TAF4: variants seen among roughly 807,000 people sequenced by gnomAD.
TAF4 encodes the protein TATA-box binding protein associated factor 4, also known as transcription initiation factor TFIID subunit 4.
A neutral mutation model predicts 90.3 loss-of-function variants in TAF4; 9 were observed. That is an observed-to-expected ratio of 0.10 (90% CI 0.06 to 0.17). TAF4 has a LOEUF of 0.17. TAF4 is among the 10% of genes least tolerant of loss of function. The pLI is 1.00. For missense variants in TAF4, 1,351 were observed against 1,370.7 expected (o/e 0.99, Z 0.23); for synonymous variants, 818 against 638.9 (o/e 1.28, Z -4.23).
chr20:62,041,583 T>G (rs2055964008), intron 1 of TAF4, among the ~76,000 whole-genome samples: 1 of 151,520 alleles, frequency 6.6e-6, no homozygotes, highest in Non-Finnish European at 1.5e-5. Flanking sequence ...GAGCCGAAAT[T>G]GCGCCACTGC....
At chr20:61,999,634 G>C (rs28382107) in intron 11 of TAF4, among the ~76,000 whole-genome samples, 195 of 152,310 alleles carry the variant, frequency 1.3e-3, no homozygotes, top group African/African-American at 4.5e-3. Context: ...GGCCCAGAGA[G>C]AGAGGCAGGT....
intron 14 of TAF4, among the ~76,000 whole-genome samples, chr20:61,987,503 A>G (rs1005981006): frequency 6.6e-6 from 1 of 152,230 alleles, no homozygotes; most frequent in East Asian, 1.9e-4. Flanking sequence ...CTCCGTCACC[A>G]GGGAGATGCA....
At chr20:61,977,266 G>A (rs1339726616) in intron 14 of TAF4, among the ~76,000 whole-genome samples, 1 of 152,116 alleles carries the variant, frequency 6.6e-6, no homozygotes, top group Non-Finnish European at 1.5e-5. Context: ...ACACCGCCCA[G>A]CGGGGCACGT....
Position 62,006,959 on chromosome 20 carries a change from A to C in TAF4, c.1975-201T>G. Reference sequence around the variant, plus strand: ...ACTAAGTGGGATTATTCCTGATAGCAAATGTCCAAAATGTGTTCAAGAAAA... The same window carrying C: ...ACTAAGTGGGATTATTCCTGATAGCCAATGTCCAAAATGTGTTCAAGAAAA... On this transcript the variant is annotated intron_variant, in intron 6 of 14. Transcript: ENST00000252996. The surrounding 1 kb of genome is among the most constrained non-coding windows in gnomAD (Gnocchi z 7.0). 2 of 562,486 alleles carry C rather than the reference A, an allele frequency of 3.6e-6. No individual in the cohort carries two copies. Among genetic ancestry groups the C allele is most frequent in the Non-Finnish European group, 5.4e-6 (2 of 372,836 alleles). 34.8% of individuals were successfully genotyped at this position (562,486 alleles called of 1,614,324 possible).
intron 12 of TAF4, 147 bp from the exon 13 acceptor site, chr20:61,998,339 A>G: frequency 1.3e-6 from 1 of 798,468 alleles, no homozygotes; most frequent in South Asian, 2.0e-5. Flanking sequence ...ATAGCCAAAG[A>G]TGAAAATTTA....
In TAF4 at chr20:62,007,601, C is replaced by G; in HGVS notation, c.1920G>C (p.Arg640Ser). 1 of 1,604,160 alleles carries G rather than the reference C, an allele frequency of 6.2e-7. No homozygotes were observed. The highest frequency in any genetic ancestry group is 8.5e-7 in the Non-Finnish European group (1 of 1,176,826). The change falls in exon 6 of 15, where the codon AGG becomes AGC. Residue 640 changes from arginine to serine, a missense_variant. Arg to Ser is a moderately radical substitution (Grantham distance 110). Transcript: ENST00000252996. ...GTGAAGAATTAAGTTCTCGGTATAA[C>G]CTGCTTGTGAAATCTTCTGCTTCTA... ...GKIEAEDFTSRLYRELNSSPQ... is the reference protein window; with the variant it reads ...GKIEAEDFTSSLYRELNSSPQ...
At chr20:61,987,807 T>G (rs1210352609) in intron 14 of TAF4, among the ~76,000 whole-genome samples, 1 of 152,212 alleles carries the variant, frequency 6.6e-6, no homozygotes, top group East Asian at 1.9e-4. Context: ...TTGCCAAAAC[T>G]TGCAAGCAGC....
At chr20:62,061,619 G>A (rs1226689530) in intron 1 of TAF4, among the ~76,000 whole-genome samples, 1 of 152,198 alleles carries the variant, frequency 6.6e-6, no homozygotes, top group African/African-American at 2.4e-5. Flanking sequence ...ATGCTAATGT[G>A]GGTGTCAAAT....
Position 62,016,543 on chromosome 20 carries a change from G to C in TAF4, c.1361-1836C>G, listed in dbSNP as rs567161261. ...AAGTTCTTCAGCTTTTAGACTCCTG[G>C]CCTTACACCAGTGGTTTGCCAGGGG... On this transcript the variant is annotated intron_variant, in intron 1 of 14. Coordinates refer to ENST00000252996, the MANE Select transcript of TAF4 (RefSeq NM_003185.4). Among the ~76,000 whole-genome samples the C allele has an allele frequency of 3.2e-4, 49 of 152,304 alleles. 1 individual carries two copies. The South Asian group carries it at 8.1e-3, about 25-fold the overall frequency.
chr20:62,060,188 A>G (rs544290845), intron 1 of TAF4, among the ~76,000 whole-genome samples: 2 of 152,306 alleles, frequency 1.3e-5, no homozygotes, highest in Admixed American at 1.3e-4. Flanking sequence ...GCCCTGGGAG[A>G]AGGCCAACTT....
chr20:62,011,422 G>A (rs1853006072), intron 3 of TAF4, among the ~76,000 whole-genome samples: 1 of 152,138 alleles, frequency 6.6e-6, no homozygotes, highest in African/African-American at 2.4e-5. Context: ...TAAGTATAAT[G>A]CAAAAACTTA....
chr20:61,977,935 G>A (rs537431482), intron 14 of TAF4, among the ~76,000 whole-genome samples: 4 of 152,216 alleles, frequency 2.6e-5, no homozygotes, highest in South Asian at 2.1e-4. Flanking sequence ...AAAGAGGACC[G>A]GGGTGAAGGA....
Position 62,014,565 on chromosome 20 carries a change from G to A in TAF4, c.1503C>T (p.Val501=), listed in dbSNP as rs1266019304. 1 of 1,613,672 alleles carries A rather than the reference G, an allele frequency of 6.2e-7. No individual in the cohort carries two copies. The highest frequency in any genetic ancestry group is 8.5e-7 in the Non-Finnish European group (1 of 1,179,880). Residue 501 remains valine (V), a synonymous_variant, in exon 2 of 15, where the codon GTC becomes GTT. Coordinates refer to ENST00000252996, the MANE Select transcript of TAF4 (RefSeq NM_003185.4). The stretch of plus-strand genomic sequence containing the variant: ...CACTCACCTGTACGGTGGAGATCTG[G>A]ACGGGAGGGGCACTTGTGGGGGTGG... The part of the protein sequence containing the change: ...RPATPTSAPP[V]QISTVQAPGT...
intron 1 of TAF4, among the ~76,000 whole-genome samples, chr20:62,029,062 G>C (rs948909581): frequency 3.3e-5 from 5 of 152,074 alleles, no homozygotes; most frequent in Non-Finnish European, 7.4e-5. Flanking sequence ...CGGGCACGGT[G>C]GTGGGCGCCT....
At chr20:62,004,027 C>T (rs1280942995) in intron 7 of TAF4, 149 bp from the exon 8 acceptor site, 2 of 997,854 alleles carry the variant, frequency 2.0e-6, no homozygotes, top group Non-Finnish European at 2.8e-6. Flanking sequence ...AGCTCAGCCC[C>T]AGCAGGCTGC....
chr20:62,012,793 G>A, intron 3 of TAF4, 22 bp downstream of exon 3: 1 of 1,602,558 alleles, frequency 6.2e-7, no homozygotes, highest in South Asian at 1.1e-5. Flanking sequence ...AGCCTCAAGA[G>A]ATCCGCCGCC....
At chr20:62,047,543 C>T (rs188988455) in intron 1 of TAF4, among the ~76,000 whole-genome samples, 5 of 152,154 alleles carry the variant, frequency 3.3e-5, no homozygotes, top group African/African-American at 7.2e-5. Flanking sequence ...AAGAAAGGGG[C>T]GCTGAGAAGA....
At chr20:62,017,939 G>A (rs1357715302) in intron 1 of TAF4, among the ~76,000 whole-genome samples, 2 of 152,128 alleles carry the variant, frequency 1.3e-5, no homozygotes, top group East Asian at 3.9e-4. Context: ...CAAAATAAAA[G>A]TGGCATTCTG....
chr20:62,062,478 G>A (rs780799344), intron 1 of TAF4, among the ~76,000 whole-genome samples: 20 of 152,178 alleles, frequency 1.3e-4, no homozygotes, highest in South Asian at 2.1e-4. Context: ...ACTGCAGGAG[G>A]CCATGAAGAG....
Sources: gnomAD v4.1 joint callset for allele counts (sites outside exome capture counted in the v4.1 genomes callset) on GRCh38, gnomAD v4.1.1 for gene constraint, Gnocchi (gnomAD v3.1) non-coding constraint, MANE v1.5 for transcripts, NCBI Gene and HGNC (gene_info 2026-07-23, HGNC 2026-07-21) for gene names.